SPECC1: variants seen among roughly 807,000 people sequenced by gnomAD.
SPECC1 encodes sperm antigen with calponin homology and coiled-coil domains 1, also known as cytospin-B.
In SPECC1, 62 loss-of-function variants were observed where a neutral mutation model predicts 104.1. That is an observed-to-expected ratio of 0.60 (90% CI 0.49 to 0.74). The LOEUF (loss-of-function observed/expected upper bound fraction) is 0.74, where lower values mean the gene tolerates loss of function less well. Ranked by LOEUF, SPECC1 falls within the 30% of genes least tolerant of loss-of-function variation. The pLI is 0.00. For missense variants in SPECC1, 1,306 were observed against 1,310.5 expected, an observed-to-expected ratio of 1.00 and a Z score of 0.05; for synonymous variants, 513 against 501.6, an observed-to-expected ratio of 1.02 and a Z score of -0.30.
chr17:20,258,591 A>G (rs887832272), intron 11 of SPECC1, among the ~76,000 whole-genome samples: 3 of 151,888 alleles, frequency 2.0e-5, no homozygotes, highest in Admixed American at 6.6e-5. Flanking sequence ...ACTTAGCACC[A>G]CCCCACCCAC....
intron 1 of SPECC1, among the ~76,000 whole-genome samples, chr17:20,045,381 A>G (rs2045499321): frequency 1.3e-5 from 2 of 152,182 alleles, no homozygotes; most frequent in Admixed American, 6.5e-5. Flanking sequence ...TGCTGCAGTA[A>G]ATACCATTTT....
At chr17:20,040,295 C>A (rs2045272968) in intron 1 of SPECC1, among the ~76,000 whole-genome samples, 1 of 152,102 alleles carries the variant, frequency 6.6e-6, no homozygotes, top group South Asian at 2.1e-4. Context: ...TAATTCTCTG[C>A]ATACATTTAG....
chr17:20,162,208 C>T (rs1394518211), intron 3 of SPECC1, among the ~76,000 whole-genome samples: 3 of 152,116 alleles, frequency 2.0e-5, no homozygotes, highest in African/African-American at 4.8e-5. Context: ...TGCAGTGGCA[C>T]GATCTCGCCT....
At chr17:20,132,471 G>A (rs527411132) in intron 3 of SPECC1, among the ~76,000 whole-genome samples, 9 of 151,082 alleles carry the variant, frequency 6.0e-5, no homozygotes, top group South Asian at 4.2e-4. Flanking sequence ...TTAATTCTTC[G>A]TTAAATAATT....
In SPECC1 at chr17:20,294,668, GAT is replaced by G. The variant is rs1368381751; in HGVS notation, c.2941-2292_2941-2291del. On this transcript the variant is annotated intron_variant, in intron 12 of 14. Transcript: ENST00000395527. Reference sequence around the variant, plus strand: ...TGGTCATGGTTATGAAGGTACTGATGATGGTGGTGGGGATGATGGTCATGGTT... The same window carrying G: ...TGGTCATGGTTATGAAGGTACTGATGGGTGGTGGGGATGATGGTCATGGTT... 7.9e-5 allele frequency among the ~76,000 whole-genome samples: 5 copies of G among 62,988 alleles called. No homozygotes were observed. In the East Asian group the frequency reaches 0.014, roughly 178 times the overall value. 41.3% of individuals were successfully genotyped at this position (62,988 alleles called of 152,430 possible).
At chr17:20,210,844 C>A (rs920395404) in intron 4 of SPECC1, among the ~76,000 whole-genome samples, 5 of 152,182 alleles carry the variant, frequency 3.3e-5, no homozygotes, top group African/African-American at 1.2e-4. Context: ...TCCCACCCCT[C>A]CCTCCATGCC....
At chr17:20,083,541 T>G (rs1404890024) in intron 1 of SPECC1, among the ~76,000 whole-genome samples, 1 of 152,212 alleles carries the variant, frequency 6.6e-6, no homozygotes, top group African/African-American at 2.4e-5. Context: ...TACATCCTTT[T>G]TGTGTGTGTG....
chr17:20,262,429 A>C (rs1598103874), intron 12 of SPECC1, among the ~76,000 whole-genome samples: 1 of 152,226 alleles, frequency 6.6e-6, no homozygotes. Context: ...TTTATGAGAG[A>C]TTTATTTCTC....
chr17:20,227,313 G>A, intron 4 of SPECC1, 100 bp from the exon 5 acceptor site: 1 of 929,990 alleles, frequency 1.1e-6, no homozygotes, highest in Non-Finnish European at 1.6e-6. Flanking sequence ...TTTGTTACAT[G>A]GGTATATTGC....
intron 12 of SPECC1, among the ~76,000 whole-genome samples, chr17:20,266,117 A>G (rs979678292): frequency 6.6e-6 from 1 of 152,192 alleles, no homozygotes; most frequent in Non-Finnish European, 1.5e-5. Context: ...GAAAAATGAC[A>G]TTTGTAGTTT....
chr17:20,207,920 AT>A (rs750190455), intron 4 of SPECC1, among the ~76,000 whole-genome samples: 35 of 151,860 alleles, frequency 2.3e-4, no homozygotes, highest in African/African-American at 8.2e-4. Flanking sequence ...ATCTTTATTA[AT>A]TTTTTTGTCT....
chr17:20,047,521 A>T (rs759864631), intron 1 of SPECC1, among the ~76,000 whole-genome samples: 1 of 152,002 alleles, frequency 6.6e-6, no homozygotes, highest in African/African-American at 2.4e-5. Context: ...TTATATCTTA[A>T]ATTTTCTTTT....
chr17:20,127,245 G>GT (rs2049356144), intron 3 of SPECC1, among the ~76,000 whole-genome samples: 1 of 152,104 alleles, frequency 6.6e-6, no homozygotes, highest in Non-Finnish European at 1.5e-5. Flanking sequence ...ATTTCTACCA[G>GT]TAACTTTGTT....
intron 3 of SPECC1, among the ~76,000 whole-genome samples, chr17:20,182,026 C>A (rs1207627661): frequency 6.6e-6 from 1 of 151,792 alleles, no homozygotes; most frequent in East Asian, 1.9e-4. Flanking sequence ...TAGAAAGTGT[C>A]TTTTTAAACT....
intron 1 of SPECC1, among the ~76,000 whole-genome samples, chr17:20,065,868 TTC>T (rs1423292347): frequency 1.3e-5 from 2 of 152,098 alleles, no homozygotes; most frequent in African/African-American, 4.8e-5. Flanking sequence ...GAGAGAGAGA[TTC>T]TGTTTCCTGA....
At chr17:20,287,400 G>A (rs1459051008) in intron 12 of SPECC1, among the ~76,000 whole-genome samples, 7 of 136,752 alleles carry the variant, frequency 5.1e-5, no homozygotes, top group East Asian at 2.2e-4. Flanking sequence ...GTCCGGCCTG[G>A]GCGACAGAGC....
chr17:20,299,222 CTG>C (rs2041478428), intron 13 of SPECC1, among the ~76,000 whole-genome samples: 2 of 151,888 alleles, frequency 1.3e-5, no homozygotes, highest in African/African-American at 4.8e-5. Flanking sequence ...CCCACACTAA[CTG>C]GGGTCATTTG....
intron 3 of SPECC1, among the ~76,000 whole-genome samples, chr17:20,114,878 T>C (rs1169174149): frequency 6.6e-6 from 1 of 152,252 alleles, no homozygotes; most frequent in African/African-American, 2.4e-5. Flanking sequence ...TGCTTTATTA[T>C]TTTTACCAAG....
rs1456060944 is a variant in SPECC1 at position 20,317,754 on chromosome 17, T to C, written c.*3689T>C. 1 of 219,318 alleles carries C rather than the reference T, an allele frequency of 4.6e-6. No individual in the cohort carries two copies. Among genetic ancestry groups the C allele is most frequent in the African/African-American group, 2.3e-5 (1 of 44,264 alleles). 13.6% of individuals were successfully genotyped at this position (219,318 alleles called of 1,614,324 possible). A position where few individuals can be genotyped will look rare whatever the true frequency, so the allele number is the denominator to read the frequency against. ...CACACACAAAAAAAAGAAATACAGG[T>C]GGTGTTTTGGGGAAGGGAAGGTTCT... On this transcript the variant is annotated 3_prime_UTR_variant, in exon 15 of 15. Coordinates refer to ENST00000395527, the MANE Select transcript of SPECC1 (RefSeq NM_001243439.2).
Sources: gnomAD v4.1 joint callset for allele counts (sites outside exome capture counted in the v4.1 genomes callset) on GRCh38, gnomAD v4.1.1 for gene constraint, MANE v1.5 for transcripts, NCBI Gene and HGNC (gene_info 2026-07-23, HGNC 2026-07-21) for gene names.